The following PTPRN2 variants were observed in gnomAD, a reference collection of about 807,000 sequenced individuals.
The protein encoded by PTPRN2 is receptor-type tyrosine-protein phosphatase N2.
PTPRN2 carries 74 observed loss-of-function variants against 118.8 expected under a neutral mutation model. The ratio of observed to expected loss-of-function variants is 0.62; its 90% CI spans 0.52 to 0.76. The LOEUF is 0.76. Among genes scored for constraint, PTPRN2 ranks in the 30% least tolerant of loss-of-function variants. The pLI, the probability that PTPRN2 is intolerant of heterozygous loss-of-function variation, is 0.00. For synonymous variants in PTPRN2, 641 were observed against 608.0 expected (o/e 1.05, Z -0.80); for missense variants, 1,481 against 1,394.4 (o/e 1.06, Z -0.99).
intron 12 of PTPRN2, among the ~76,000 whole-genome samples, chr7:157,751,535 GTC>G (rs1801467782): frequency 6.6e-6 from 1 of 152,168 alleles, no homozygotes; most frequent in African/African-American, 2.4e-5. Context: ...CTCGGGAGGT[GTC>G]TCTGTCCTCG....
At chr7:158,541,315 G>T in intron 1 of PTPRN2, 1 of 623,232 alleles carries the variant, frequency 1.6e-6, no homozygotes, top group Non-Finnish European at 2.4e-6. Context: ...GGCTGTGGTG[G>T]CATTTAGTGC....
chr7:157,947,577 A>G (rs1227599163), intron 11 of PTPRN2, among the ~76,000 whole-genome samples: 1 of 152,168 alleles, frequency 6.6e-6, no homozygotes, highest in African/African-American at 2.4e-5. Context: ...ACCAGTGCAA[A>G]GAGGAACCCT....
chr7:158,126,109 G>A lies in PTPRN2; in HGVS notation c.1556+7568C>T, dbSNP rs570254096. 8.4e-4 allele frequency among the ~76,000 whole-genome samples: 93 copies of A among 110,592 alleles called. 1 individual carries two copies. The highest frequency in any genetic ancestry group is 3.2e-3 in the African/African-American group (82 of 25,672). The allele number at this position is 110,592 out of a possible 152,430, so 72.6% of individuals were successfully genotyped here. On this transcript the variant is annotated intron_variant, in intron 9 of 22. Coordinates refer to ENST00000389418, the MANE Select transcript of PTPRN2 (RefSeq NM_002847.5). ...CCGCCACACCAGCCCCCAGGACAGC[G>A]GGCGGCGGAACTTCCTCTCCGCCAC...
At chr7:157,642,404 C>T (rs1241099049) in intron 14 of PTPRN2, among the ~76,000 whole-genome samples, 1 of 152,244 alleles carries the variant, frequency 6.6e-6, no homozygotes, top group Non-Finnish European at 1.5e-5. Context: ...TCAGATAACT[C>T]CATCCAGGCC....
At chr7:157,891,335 T>C (rs1159966036) in intron 12 of PTPRN2, among the ~76,000 whole-genome samples, 1 of 151,968 alleles carries the variant, frequency 6.6e-6, no homozygotes, top group Non-Finnish European at 1.5e-5. Flanking sequence ...ATGAAGCTGG[T>C]TTCGAACACA....
In PTPRN2 at chr7:158,539,985, T is replaced by G. The variant is rs577506957; in HGVS notation, c.112+47573A>C. On this transcript the variant is annotated intron_variant, in intron 1 of 22. Coordinates refer to ENST00000389418, the MANE Select transcript of PTPRN2 (RefSeq NM_002847.5). The stretch of plus-strand genomic sequence containing the variant: ...CTGTGAACCTGGAGCTGATGACAGC[T>G]GGGGACATACTGTGAGCCTGGAGCT... 3.4e-3 allele frequency: 789 copies of G among 229,560 alleles called. 5 individuals carry two copies. Among genetic ancestry groups the G allele is most frequent in the Middle Eastern group, 5.0e-3 (3 of 598 alleles). 14.2% of individuals were successfully genotyped at this position (229,560 alleles called of 1,614,324 possible). A position where few individuals can be genotyped will look rare whatever the true frequency, so the allele number is the denominator to read the frequency against.
intron 11 of PTPRN2, among the ~76,000 whole-genome samples, chr7:158,056,923 C>T (rs1017775020): frequency 2.6e-5 from 4 of 152,228 alleles, no homozygotes; most frequent in East Asian, 1.9e-4. Flanking sequence ...GTGCTCCACT[C>T]GTGGCATTCC....
intron 5 of PTPRN2, among the ~76,000 whole-genome samples, chr7:158,186,599 A>T (rs57953416): frequency 0.012 from 1,703 of 136,274 alleles, 25 homozygotes; most frequent in African/African-American, 0.046. Flanking sequence ...GCATGAACGC[A>T]CCTGGGCCCA....
rs1426962411 is a variant in PTPRN2, at chr7:157,903,530, A to G, written c.1724-4793T>C. ...CAGATGTGCCACCGACAACCCTCCC[A>G]CATGCCCCACGGTGCTGCCTCTCGA... On this transcript the variant is annotated intron_variant, in intron 11 of 22. Transcript: ENST00000389418. The surrounding 1 kb of genome is among the most constrained non-coding windows in gnomAD (Gnocchi z 4.2). Among the ~76,000 whole-genome samples, 1 of 152,118 alleles carries G rather than the reference A, an allele frequency of 6.6e-6. No homozygotes were observed. The highest frequency in any genetic ancestry group is 1.9e-4 in the East Asian group (1 of 5,184).
chr7:158,556,392 A>G (rs1586934903), intron 1 of PTPRN2, among the ~76,000 whole-genome samples: 1 of 152,076 alleles, frequency 6.6e-6, no homozygotes, highest in African/African-American at 2.4e-5. Context: ...CGTCTCTACT[A>G]AAAATACAAA....
At chr7:157,556,306 CCAAACAA>C (rs947590440) in intron 21 of PTPRN2, among the ~76,000 whole-genome samples, 5 of 109,036 alleles carry the variant, frequency 4.6e-5, no homozygotes, top group Admixed American at 1.9e-4. Flanking sequence ...ATGCACACAC[CCAAACAA>C]CACACACACC....
chr7:158,186,563 C>T (rs1563574141), intron 5 of PTPRN2, among the ~76,000 whole-genome samples: 1 of 151,230 alleles, frequency 6.6e-6, no homozygotes, highest in East Asian at 1.9e-4. Context: ...CCGTCAGAAG[C>T]CCGCCTGGGC....
intron 12 of PTPRN2, among the ~76,000 whole-genome samples, chr7:157,716,589 G>A (rs2952636): frequency 0.41 from 12,606 of 30,880 alleles, 3,975 homozygotes; most frequent in African/African-American, 0.56. Flanking sequence ...TAGACTCTGC[G>A]GGAACACTGC....
intron 21 of PTPRN2, among the ~76,000 whole-genome samples, chr7:157,555,636 G>A (rs922048525): frequency 6.6e-6 from 1 of 151,456 alleles, no homozygotes; most frequent in African/African-American, 2.4e-5. Flanking sequence ...GCGCAGGTAA[G>A]TTTTATTACA....
At chr7:158,020,149 G>A (rs1806764528) in intron 11 of PTPRN2, among the ~76,000 whole-genome samples, 2 of 152,176 alleles carry the variant, frequency 1.3e-5, no homozygotes, top group African/African-American at 2.4e-5. Context: ...CCCAGGTGGG[G>A]TGACCCCAGC....
Position 158,557,072 on chromosome 7 carries a change from G to A in PTPRN2, c.112+30486C>T, listed in dbSNP as rs556842530. 8.5e-4 allele frequency among the ~76,000 whole-genome samples: 118 copies of A among 138,576 alleles called. 1 individual carries two copies. The highest frequency in any genetic ancestry group is 3.2e-3 in the African/African-American group (114 of 35,910). The allele number at this position is 138,576 out of a possible 152,430, so 90.9% of individuals were successfully genotyped here. On this transcript the variant is annotated intron_variant, in intron 1 of 22. Transcript: ENST00000389418. ...GGTCACTCCCAGGCAGGTGGCTCCC[G>A]CGCAGGTCAGGCGGCTCCTGTGCAG...
At chr7:158,444,152 G>A (rs1563302363) in intron 2 of PTPRN2, among the ~76,000 whole-genome samples, 1 of 152,222 alleles carries the variant, frequency 6.6e-6, no homozygotes, top group South Asian at 2.1e-4. Context: ...CCTGCCCCAG[G>A]GATGCTGCAG....
intron 12 of PTPRN2, among the ~76,000 whole-genome samples, chr7:157,897,992 T>G (rs1797230699): frequency 6.6e-6 from 1 of 152,254 alleles, no homozygotes; most frequent in African/African-American, 2.4e-5. Context: ...TGCAGTTCAT[T>G]AAGTTGTCAT....
At chr7:157,788,146 C>T (rs868232919) in intron 12 of PTPRN2, among the ~76,000 whole-genome samples, 20 of 152,132 alleles carry the variant, frequency 1.3e-4, no homozygotes, top group Non-Finnish European at 2.2e-4. Flanking sequence ...GAGGCTGAGG[C>T]GGGCGGATCA....
Sources: allele counts gnomAD v4.1 joint callset (sites outside exome capture counted in the v4.1 genomes callset), GRCh38; gene constraint gnomAD v4.1.1; non-coding constraint Gnocchi (gnomAD v3.1); transcripts MANE v1.5; gene names NCBI Gene and HGNC (gene_info 2026-07-23, HGNC 2026-07-21).